SCAPER: variants seen among roughly 807,000 people sequenced by gnomAD.
The protein encoded by SCAPER is S phase cyclin A-associated protein in the endoplasmic reticulum.
In SCAPER, 98 loss-of-function variants were observed where a neutral mutation model predicts 182.2. The ratio of observed to expected loss-of-function variants is 0.54; its 90% CI spans 0.46 to 0.64. SCAPER has a LOEUF of 0.64. Among genes scored for constraint, SCAPER ranks in the 30% least tolerant of loss-of-function variants. The pLI, the probability that SCAPER is intolerant of heterozygous loss-of-function variation, is 0.00. For missense variants in SCAPER, 1,432 were observed against 1,690.0 expected (o/e 0.85, Z 2.68); for synonymous variants, 605 against 564.6 (o/e 1.07, Z -1.01).
intron 22 of SCAPER, among the ~76,000 whole-genome samples, chr15:76,619,824 T>A (rs1326780222): frequency 6.6e-6 from 1 of 152,174 alleles, no homozygotes; most frequent in African/African-American, 2.4e-5. Flanking sequence ...ATGCCTGTAA[T>A]CCTAGCACTT....
intron 2 of SCAPER, among the ~76,000 whole-genome samples, chr15:76,870,814 G>C (rs1355136496): frequency 2.0e-5 from 3 of 152,084 alleles, no homozygotes; most frequent in Non-Finnish European, 2.9e-5. Context: ...TAAAGGCTGA[G>C]AACTTTCCAA....
intron 17 of SCAPER, among the ~76,000 whole-genome samples, chr15:76,711,084 A>G (rs2059536819): frequency 6.6e-6 from 1 of 152,212 alleles, no homozygotes; most frequent in Non-Finnish European, 1.5e-5. Context: ...CTAAGTGCTA[A>G]CTGAAACATT....
intron 29 of SCAPER, among the ~76,000 whole-genome samples, chr15:76,358,201 T>C (rs1412441198): frequency 2.0e-5 from 3 of 152,234 alleles, no homozygotes; most frequent in Non-Finnish European, 4.4e-5. Flanking sequence ...GGAAACTCTT[T>C]GACTAAACAG....
At chr15:76,692,103 T>A (rs753090656) in intron 20 of SCAPER, among the ~76,000 whole-genome samples, 2 of 152,288 alleles carry the variant, frequency 1.3e-5, no homozygotes, top group Middle Eastern at 3.4e-3. Flanking sequence ...ATGCAGTTAA[T>A]AACATAGCCT....
chr15:76,568,454 C>G (rs139341588), intron 23 of SCAPER, among the ~76,000 whole-genome samples: 1 of 151,972 alleles, frequency 6.6e-6, no homozygotes, highest in Non-Finnish European at 1.5e-5. Flanking sequence ...CTCCTGAGTT[C>G]GAGTGATTCT....
At chr15:76,409,516 TG>T (rs1280276278) in intron 26 of SCAPER, among the ~76,000 whole-genome samples, 7 of 152,286 alleles carry the variant, frequency 4.6e-5, no homozygotes, top group African/African-American at 1.4e-4. Context: ...TGTGTGTGTG[TG>T]TATACGATGT....
intron 1 of SCAPER, 148 bp from the exon 2 acceptor site, chr15:76,884,024 A>G (rs2151960294): frequency 2.0e-6 from 1 of 511,218 alleles, no homozygotes; most frequent in African/African-American, 2.0e-5. Flanking sequence ...GGTATAATAT[A>G]GCATGCTTTA....
rs572993369 is a variant in SCAPER at position 76,605,611 on chromosome 15, T to G, written c.2711+16153A>C. ...TCAGAAGGAATGGTAGCAGCTCCTC[T>G]TTGTACCTCTGGTAGAATTCGGCTG... is the stretch of plus-strand genomic sequence containing the variant. On this transcript the variant is annotated intron_variant, in intron 22 of 31. Coordinates refer to ENST00000563290, the MANE Select transcript of SCAPER (RefSeq NM_020843.4). Among the ~76,000 whole-genome samples the G allele has an allele frequency of 2.6e-5, 4 of 152,316 alleles. No homozygotes were observed. The East Asian group carries it at 7.7e-4, about 29-fold the overall frequency.
At chr15:76,819,995 T>C (rs1163284899) in intron 5 of SCAPER, among the ~76,000 whole-genome samples, 1 of 152,168 alleles carries the variant, frequency 6.6e-6, no homozygotes, top group Admixed American at 6.5e-5. Flanking sequence ...AAAATGCTCA[T>C]CATCACTGGA....
At chr15:76,631,170 G>T (rs910842184) in intron 21 of SCAPER, among the ~76,000 whole-genome samples, 1 of 151,404 alleles carries the variant, frequency 6.6e-6, no homozygotes, top group African/African-American at 2.4e-5. Context: ...TTTTATTTTC[G>T]GTCTATGTGT....
At chr15:76,749,450 C>T (rs182735440) in intron 15 of SCAPER, among the ~76,000 whole-genome samples, 1 of 152,010 alleles carries the variant, frequency 6.6e-6, no homozygotes, top group Non-Finnish European at 1.5e-5. Flanking sequence ...GATGTCAGCT[C>T]TCTTCACAAC....
intron 29 of SCAPER, among the ~76,000 whole-genome samples, chr15:76,360,853 T>C (rs1347801865): frequency 1.3e-5 from 2 of 152,148 alleles, no homozygotes; most frequent in African/African-American, 4.8e-5. Context: ...TTGGAACACA[T>C]GACTCTAAAT....
At chr15:76,573,080 G>A (rs1355481178) in intron 23 of SCAPER, among the ~76,000 whole-genome samples, 3 of 152,022 alleles carry the variant, frequency 2.0e-5, no homozygotes, top group Non-Finnish European at 4.4e-5. Flanking sequence ...AACTTTGACT[G>A]AAAAAATAAT....
intron 24 of SCAPER, among the ~76,000 whole-genome samples, chr15:76,495,989 GAGAGACACACACAC>G (rs1228611265): frequency 0.013 from 1,370 of 105,556 alleles, 25 homozygotes; most frequent in Middle Eastern, 0.029. Context: ...AAGCAAAAGA[GAGAGACACACACAC>G]ACACACACAC....
chr15:76,693,457 A>G (rs747730392), intron 20 of SCAPER, among the ~76,000 whole-genome samples: 1 of 152,194 alleles, frequency 6.6e-6, no homozygotes, highest in Non-Finnish European at 1.5e-5. Flanking sequence ...CAGAATCATC[A>G]TATGATCCAG....
intron 21 of SCAPER, among the ~76,000 whole-genome samples, chr15:76,648,622 A>G (rs1264217167): frequency 6.6e-6 from 1 of 152,230 alleles, no homozygotes; most frequent in African/African-American, 2.4e-5. Flanking sequence ...AGGAGCTAGA[A>G]AGAAATTATT....
In SCAPER at chr15:76,374,536, G is replaced by A. The variant is rs148255325; in HGVS notation, c.3855+1626C>T. ...TTTTGCTCGTTTCCCAGGCTGGAGAGCAATGGCGCGATCTCGGCTCATCGC... is the reference window on the plus strand; with the variant it reads ...TTTTGCTCGTTTCCCAGGCTGGAGAACAATGGCGCGATCTCGGCTCATCGC... On this transcript the variant is annotated intron_variant, in intron 29 of 31. Coordinates refer to ENST00000563290, the MANE Select transcript of SCAPER (RefSeq NM_020843.4). Among the ~76,000 whole-genome samples the A allele has an allele frequency of 5.8e-3, 860 of 148,588 alleles. 15 individuals are homozygous for A. The highest frequency in any genetic ancestry group is 0.02 in the African/African-American group (787 of 40,276).
chr15:76,830,757 C>A (rs2068398413), intron 5 of SCAPER, among the ~76,000 whole-genome samples: 1 of 151,842 alleles, frequency 6.6e-6, no homozygotes, highest in African/African-American at 2.4e-5. Flanking sequence ...GCCAACTAGA[C>A]GTAGCCAGGA....
At chr15:76,504,609 ATTC>A (rs2041420656) in intron 24 of SCAPER, among the ~76,000 whole-genome samples, 1 of 152,226 alleles carries the variant, frequency 6.6e-6, no homozygotes, top group Non-Finnish European at 1.5e-5. Context: ...GAGTTCATCA[ATTC>A]TTCTTGATTT....
Sources: allele counts gnomAD v4.1 joint callset (sites outside exome capture counted in the v4.1 genomes callset), GRCh38; gene constraint gnomAD v4.1.1; transcripts MANE v1.5; gene names NCBI Gene and HGNC (gene_info 2026-07-23, HGNC 2026-07-21).